Variants in EVC observed in about 807,000 individuals in gnomAD.
The protein encoded by EVC is EvC ciliary complex subunit 1.
EVC carries 116 observed loss-of-function variants against 118.9 expected under a neutral mutation model. That is an observed-to-expected ratio of 0.98 (90% CI 0.84 to 1.14). The LOEUF (loss-of-function observed/expected upper bound fraction) is 1.14, where lower values mean the gene tolerates loss of function less well. Among genes scored for constraint, EVC ranks in the 50% most tolerant of loss-of-function variants. EVC has a pLI of 0.00. For synonymous variants in EVC, 619 were observed against 534.7 expected (o/e 1.16, Z -2.18); for missense variants, 1,401 against 1,246.4 (o/e 1.12, Z -1.87).
intron 17 of EVC, among the ~76,000 whole-genome samples, chr4:5,805,740 G>C (rs1048214105): frequency 2.0e-5 from 3 of 152,154 alleles, no homozygotes; most frequent in Non-Finnish European, 4.4e-5. Flanking sequence ...TCAGCAGCCA[G>C]CTGGGCCAAC....
intron 11 of EVC, among the ~76,000 whole-genome samples, chr4:5,768,728 G>A (rs889104602): frequency 6.6e-6 from 1 of 151,820 alleles, no homozygotes; most frequent in Non-Finnish European, 1.5e-5. Context: ...GTGGTGGTGG[G>A]TGCCTGTTAT....
At position 5,711,429 on chromosome 4, in the gene EVC, G is replaced by A. The variant is rs1722991667; in HGVS notation, c.49G>A (p.Gly17Arg). 2.9e-6 allele frequency: 3 copies of A among 1,024,568 alleles called. No homozygotes were observed. Among genetic ancestry groups the A allele is most frequent in the Middle Eastern group, 4.7e-4 (1 of 2,120 alleles). The allele number at this position is 1,024,568 out of a possible 1,614,324, so 63.5% of individuals were successfully genotyped here. ...ACKSDARLLLGRDALRPAPAL... is the reference protein window; with the variant it reads ...ACKSDARLLLRRDALRPAPAL... ...CAAGAGCGACGCGCGGCTGCTGCTG[G>A]GGCGGGACGCGCTGCGGCCGGCGCC... The change falls in exon 1 of 21, where the codon GGG becomes AGG. Residue 17 changes from glycine to arginine, a missense_variant. Transcript: ENST00000264956.
chr4:5,777,882 C>A (rs1274995315), intron 11 of EVC, among the ~76,000 whole-genome samples: 4 of 151,970 alleles, frequency 2.6e-5, no homozygotes, highest in Admixed American at 2.0e-4. Flanking sequence ...TACATGTGCA[C>A]AATGTGCAGG....
intron 11 of EVC, among the ~76,000 whole-genome samples, chr4:5,765,589 G>A (rs1732737766): frequency 7.6e-6 from 1 of 131,252 alleles, no homozygotes; most frequent in Admixed American, 7.3e-5. Context: ...GGGTGCTCCT[G>A]TATTGGGCGC....
chr4:5,801,692 AGAT>A, intron 15 of EVC: 2 of 385,806 alleles, frequency 5.2e-6, no homozygotes, highest in South Asian at 5.6e-5. Flanking sequence ...AAAAAAAAAA[AGAT>A]GCGGGGAAGG....
chr4:5,777,724 G>T (rs1425782634), intron 11 of EVC, among the ~76,000 whole-genome samples: 1 of 152,116 alleles, frequency 6.6e-6, no homozygotes, highest in Non-Finnish European at 1.5e-5. Flanking sequence ...AAGAATGTGG[G>T]TTCCATATGC....
intron 12 of EVC, among the ~76,000 whole-genome samples, chr4:5,791,371 G>A (rs1429982041): frequency 6.6e-6 from 1 of 152,120 alleles, no homozygotes; most frequent in Admixed American, 6.5e-5. Flanking sequence ...AGAACAGAGG[G>A]AGTGAGAGGG....
chr4:5,752,979 C>T lies in EVC; in HGVS notation c.1242C>T (p.Ser414=), dbSNP rs769206763. The change falls in exon 9 of 21, where the codon TCC becomes TCT. Residue 414 remains serine (S), a synonymous_variant. Coordinates refer to ENST00000264956, the MANE Select transcript of EVC (RefSeq NM_153717.3). ...LELLAGEGKL[S]GRQKEELLTQ... ...TGCTGGCTGGTGAGGGGAAGCTGTCCGGGCGGCAGAAGGAGGAGCTGCTCA... is the reference window on the plus strand; with the variant it reads ...TGCTGGCTGGTGAGGGGAAGCTGTCTGGGCGGCAGAAGGAGGAGCTGCTCA... 101 of 1,613,562 alleles carry T rather than the reference C, an allele frequency of 6.3e-5. No individual in the cohort carries two copies. The highest frequency in any genetic ancestry group is 8.0e-5 in the African/African-American group (6 of 74,944).
downstream of EVC, among the ~76,000 whole-genome samples, chr4:5,814,711 G>A (rs1382072558): frequency 6.6e-6 from 1 of 151,612 alleles, no homozygotes; most frequent in East Asian, 1.9e-4. Flanking sequence ...CCACACCCCT[G>A]CCCCCCACTG....
At chr4:5,769,253 C>T (rs1229664114) in intron 11 of EVC, among the ~76,000 whole-genome samples, 1 of 152,124 alleles carries the variant, frequency 6.6e-6, no homozygotes, top group Admixed American at 6.5e-5. Context: ...AGGGGAACTC[C>T]TCTTTATAAA....
intron 11 of EVC, among the ~76,000 whole-genome samples, chr4:5,765,523 A>G (rs1435344687): frequency 8.3e-6 from 1 of 120,284 alleles, no homozygotes; most frequent in Non-Finnish European, 1.8e-5. Context: ...TCCCATTATT[A>G]ATGTGTGGGA....
intron 3 of EVC, among the ~76,000 whole-genome samples, chr4:5,729,788 T>C (rs56198835): frequency 0.08 from 12,227 of 152,220 alleles, 579 homozygotes; most frequent in African/African-American, 0.13. Context: ...GTATTTGTCA[T>C]GCATCAGGCG....
At position 5,749,315 on chromosome 4, in the gene EVC, T is replaced by G. The variant is rs1376479116; in HGVS notation, c.1098+1009T>G. 7.1e-6 allele frequency among the ~76,000 whole-genome samples: 1 copy of G among 141,826 alleles called. No individual in the cohort carries two copies. The highest frequency in any genetic ancestry group is 1.5e-5 in the Non-Finnish European group (1 of 66,654). The allele number at this position is 141,826 out of a possible 152,430, so 93.0% of individuals were successfully genotyped here. ...TGTCTTAGGCCACACATAAAATACATTAACACTAACGATAGCTGATGAGCG... is the reference window on the plus strand; with the variant it reads ...TGTCTTAGGCCACACATAAAATACAGTAACACTAACGATAGCTGATGAGCG... On this transcript the variant is annotated intron_variant, in intron 8 of 20. Transcript: ENST00000264956. The surrounding 1 kb of genome is among the most constrained non-coding windows in gnomAD (Gnocchi z 4.4).
intron 8 of EVC, 153 bp from the exon 9 acceptor site, chr4:5,752,683 T>G: frequency 2.5e-6 from 2 of 791,624 alleles, no homozygotes; most frequent in Non-Finnish European, 2.2e-6. Context: ...ATCTCGCTCA[T>G]GAAGGAGAGG....
chr4:5,756,494 G>A lies in EVC; in HGVS notation c.1563+132G>A, dbSNP rs536706338. On this transcript the variant is annotated intron_variant, in intron 11 of 20. Coordinates refer to ENST00000264956, the MANE Select transcript of EVC (RefSeq NM_153717.3). This position sits in a 1 kb window ranked among gnomAD's most constrained non-coding sequence, Gnocchi z 4.2. ...CCGCACTCATTGGCCGGTGATCCACGCAGGCTGTGTCCCCTCCATGCGATC... is the reference window on the plus strand; with the variant it reads ...CCGCACTCATTGGCCGGTGATCCACACAGGCTGTGTCCCCTCCATGCGATC... The A allele has an allele frequency of 6.6e-6, 5 of 752,320 alleles. No homozygotes were observed. The highest frequency in any genetic ancestry group is 4.0e-5 in the Admixed American group (2 of 49,580). The allele number at this position is 752,320 out of a possible 1,614,324, so 46.6% of individuals were successfully genotyped here. A position where few individuals can be genotyped will look rare whatever the true frequency, so the allele number is the denominator to read the frequency against.
chr4:5,740,788 A>C (rs1231452726), intron 5 of EVC, among the ~76,000 whole-genome samples: 2 of 152,238 alleles, frequency 1.3e-5, no homozygotes, highest in Non-Finnish European at 2.9e-5. Flanking sequence ...ACATGAACAG[A>C]TATTTCACCA....
chr4:5,761,377 C>T (rs775188189), intron 11 of EVC, among the ~76,000 whole-genome samples: 1 of 151,878 alleles, frequency 6.6e-6, no homozygotes, highest in African/African-American at 2.4e-5. Context: ...CACAATCAAT[C>T]GAGGTTTATT....
intron 15 of EVC, among the ~76,000 whole-genome samples, chr4:5,799,221 C>T (rs894773520): frequency 7.2e-5 from 11 of 152,206 alleles, no homozygotes; most frequent in Non-Finnish European, 1.2e-4. Context: ...TTCATCCTGA[C>T]GGCTGAGCAA....
chr4:5,760,865 G>T (rs920852438), intron 11 of EVC, among the ~76,000 whole-genome samples: 2 of 152,182 alleles, frequency 1.3e-5, no homozygotes, highest in Non-Finnish European at 2.9e-5. Context: ...CCCAAGGCCT[G>T]TGTCAGCATG....
Sources: gnomAD v4.1 joint callset for allele counts (sites outside exome capture counted in the v4.1 genomes callset) on GRCh38, gnomAD v4.1.1 for gene constraint, Gnocchi (gnomAD v3.1) non-coding constraint, MANE v1.5 for transcripts, NCBI Gene and HGNC (gene_info 2026-07-23, HGNC 2026-07-21) for gene names.